HMGA2: variants seen among roughly 807,000 people sequenced by gnomAD.
HMGA2 encodes high mobility group AT-hook 2.
HMGA2 carries 8 observed loss-of-function variants against 19.1 expected under a neutral mutation model. That is an observed-to-expected ratio of 0.42 (90% CI 0.25 to 0.76). The LOEUF (loss-of-function observed/expected upper bound fraction) is 0.76. Ranked by LOEUF, HMGA2 falls within the 30% of genes least tolerant of loss-of-function variation. The pLI is 0.28. For missense variants in HMGA2, 109 were observed against 136.3 expected, an observed-to-expected ratio of 0.80 and a Z score of 1.00; for synonymous variants, 60 against 48.8, an observed-to-expected ratio of 1.23 and a Z score of -0.96.
At chr12:65,947,379 G>A (rs534455012) in intron 3 of HMGA2, among the ~76,000 whole-genome samples, 26 of 152,202 alleles carry the variant, frequency 1.7e-4, no homozygotes, top group African/African-American at 6.0e-4. Context: ...TGAGATTACC[G>A]GCATGAGCCA....
chr12:65,889,761 A>G (rs1873823807), intron 3 of HMGA2, among the ~76,000 whole-genome samples: 1 of 152,114 alleles, frequency 6.6e-6, no homozygotes, highest in African/African-American at 2.4e-5. Context: ...TATCATCCTC[A>G]TTTCACTGAT....
intron 3 of HMGA2, among the ~76,000 whole-genome samples, chr12:65,936,482 G>GA (rs2121281825): frequency 6.6e-6 from 1 of 152,140 alleles, no homozygotes; most frequent in East Asian, 1.9e-4. Context: ...AAACGCCACA[G>GA]AAACGGCCAG....
At chr12:65,915,115 C>G in intron 3 of HMGA2, 1 of 1,613,642 alleles carries the variant, frequency 6.2e-7, no homozygotes, top group Non-Finnish European at 8.5e-7. Flanking sequence ...GAAACAGTAC[C>G]AAAAGGAGTC....
chr12:65,935,850 G>A (rs1468013501), intron 3 of HMGA2, among the ~76,000 whole-genome samples: 1 of 152,030 alleles, frequency 6.6e-6, no homozygotes, highest in Non-Finnish European at 1.5e-5. Context: ...ACATTTTAAA[G>A]TCTGGATCTC....
At chr12:65,879,431 T>C (rs1403081833) in intron 3 of HMGA2, among the ~76,000 whole-genome samples, 1 of 152,122 alleles carries the variant, frequency 6.6e-6, no homozygotes, top group Non-Finnish European at 1.5e-5. Context: ...TGCCTGGCAA[T>C]AAAGCACTTT....
intron 3 of HMGA2, among the ~76,000 whole-genome samples, chr12:65,911,124 G>A (rs186706857): frequency 7.2e-5 from 11 of 152,290 alleles, no homozygotes; most frequent in Non-Finnish European, 1.3e-4. Flanking sequence ...TCGAACAATA[G>A]AACTATTTAT....
At chr12:65,962,810 T>C (rs1167455620) in intron 4 of HMGA2, among the ~76,000 whole-genome samples, 1 of 152,190 alleles carries the variant, frequency 6.6e-6, no homozygotes, top group East Asian at 1.9e-4. Flanking sequence ...ATTACCAGTA[T>C]CTGGAGGGTG....
intron 3 of HMGA2, chr12:65,842,091 G>C: frequency 7.8e-7 from 1 of 1,289,026 alleles, no homozygotes; most frequent in Admixed American, 2.3e-5. Flanking sequence ...TGTAGAAGAG[G>C]CTAGAGGTAA....
intron 3 of HMGA2, among the ~76,000 whole-genome samples, chr12:65,906,432 A>G (rs892646630): frequency 1.3e-5 from 2 of 152,202 alleles, no homozygotes; most frequent in Admixed American, 6.6e-5. Context: ...ACAGTAGCCC[A>G]GCAACATTCA....
chr12:65,847,390 T>C (rs1871275487), intron 3 of HMGA2, among the ~76,000 whole-genome samples: 1 of 152,236 alleles, frequency 6.6e-6, no homozygotes, highest in South Asian at 2.1e-4. Flanking sequence ...GCATACTCAA[T>C]ATAATTTATG....
chr12:65,905,843 T>G (rs1214947811), intron 3 of HMGA2, among the ~76,000 whole-genome samples: 2 of 152,226 alleles, frequency 1.3e-5, no homozygotes, highest in African/African-American at 4.8e-5. Context: ...AATATTTTAG[T>G]GTAAATTTTT....
chr12:65,927,378 G>A (rs1029128469), intron 3 of HMGA2, among the ~76,000 whole-genome samples: 2 of 152,174 alleles, frequency 1.3e-5, no homozygotes, highest in Admixed American at 6.5e-5. Context: ...CAAAGGCTAC[G>A]TGTGCCTTTT....
intron 3 of HMGA2, among the ~76,000 whole-genome samples, chr12:65,921,494 G>A (rs1440576872): frequency 2.6e-5 from 4 of 152,108 alleles, no homozygotes; most frequent in Non-Finnish European, 4.4e-5. Context: ...TGACCCGCCC[G>A]CCTTGGCCTC....
chr12:65,894,792 G>A (rs1397732247), intron 3 of HMGA2, among the ~76,000 whole-genome samples: 1 of 152,202 alleles, frequency 6.6e-6, no homozygotes, highest in Non-Finnish European at 1.5e-5. Context: ...GTAACTCTTA[G>A]AAAGGGCAAA....
chr12:65,919,265 TTGG>T (rs1875218492), intron 3 of HMGA2, among the ~76,000 whole-genome samples: 1 of 152,234 alleles, frequency 6.6e-6, no homozygotes, highest in South Asian at 2.1e-4. Flanking sequence ...ATTTGGCATT[TTGG>T]TGTACTTGTT....
chr12:65,902,536 T>A (rs568066464), intron 3 of HMGA2, among the ~76,000 whole-genome samples: 1 of 152,226 alleles, frequency 6.6e-6, no homozygotes, highest in East Asian at 1.9e-4. Flanking sequence ...AAAATTATAT[T>A]CCTTTAAATT....
At chr12:65,926,216 A>C (rs7487625) in intron 3 of HMGA2, among the ~76,000 whole-genome samples, 43,301 of 152,118 alleles carry the variant, frequency 0.28, 6,821 homozygotes, top group African/African-American at 0.4. Context: ...TAAGCGAGAG[A>C]TAACAACAGT....
chr12:65,837,166 T>C (rs1455380454), intron 2 of HMGA2, among the ~76,000 whole-genome samples: 2 of 152,226 alleles, frequency 1.3e-5, no homozygotes, highest in Non-Finnish European at 2.9e-5. Context: ...GCCTGGGATA[T>C]TTTAAATGCT....
intron 3 of HMGA2, among the ~76,000 whole-genome samples, chr12:65,919,178 G>A (rs1437127347): frequency 6.6e-6 from 1 of 152,136 alleles, no homozygotes; most frequent in Non-Finnish European, 1.5e-5. Context: ...TCCTGAAAAT[G>A]GAAGACAGAA....
Sources: gnomAD v4.1 joint callset for allele counts (sites outside exome capture counted in the v4.1 genomes callset) on GRCh38, gnomAD v4.1.1 for gene constraint, MANE v1.5 for transcripts, NCBI Gene and HGNC (gene_info 2026-07-23, HGNC 2026-07-21) for gene names.